Variants in BCAR3 observed in about 807,000 individuals in gnomAD.
BCAR3 encodes breast cancer anti-estrogen resistance protein 3.
BCAR3 carries 37 observed loss-of-function variants against 80.1 expected under a neutral mutation model. That is an observed-to-expected ratio of 0.46 (90% CI 0.36 to 0.61). The LOEUF is 0.61. Among genes scored for constraint, BCAR3 ranks in the 20% least tolerant of loss-of-function variants. BCAR3 has a pLI of 0.00. For synonymous variants in BCAR3, 389 were observed against 418.9 expected (o/e 0.93, Z 0.87); for missense variants, 978 against 1,068.2 (o/e 0.92, Z 1.18).
At chr1:93,681,906 G>T (rs1050427215), upstream of BCAR3, 1 of 152,384 alleles carries the variant, frequency 6.6e-6, no homozygotes, top group Non-Finnish European at 1.5e-5. Context: ...CCGGCGAGCC[G>T]ATTCGCGCTG....
intron 8 of BCAR3, among the ~76,000 whole-genome samples, 190 bp downstream of exon 8, chr1:93,575,824 T>C (rs1276033478): frequency 1.3e-5 from 2 of 152,222 alleles, no homozygotes; most frequent in Non-Finnish European, 2.9e-5. Context: ...TGAGTTGTGC[T>C]GTCTTTGTGT....
At chr1:93,755,945 T>C (rs911636097) in intron 2 of BCAR3, among the ~76,000 whole-genome samples, 14 of 151,942 alleles carry the variant, frequency 9.2e-5, no homozygotes, top group Non-Finnish European at 1.8e-4. Flanking sequence ...CCAAACAGAG[T>C]GGAAATTCCC....
intron 2 of BCAR3, among the ~76,000 whole-genome samples, chr1:93,794,285 A>G (rs1653202698): frequency 1.8e-5 from 1 of 56,964 alleles, no homozygotes; most frequent in Admixed American, 2.1e-4. Flanking sequence ...AATGTGTGGG[A>G]GTTTAAGTCT....
intron 2 of BCAR3, among the ~76,000 whole-genome samples, chr1:93,733,306 C>CT (rs915215951): frequency 1.3e-5 from 2 of 152,192 alleles, no homozygotes; most frequent in Admixed American, 6.5e-5. Flanking sequence ...GATGCCCCGG[C>CT]TTACTTAGTA....
chr1:93,600,437 T>C (rs1301255980), intron 3 of BCAR3, among the ~76,000 whole-genome samples: 4 of 152,198 alleles, frequency 2.6e-5, no homozygotes, highest in African/African-American at 9.6e-5. Flanking sequence ...GCAAGGGTCC[T>C]GCCATTATGA....
intron 2 of BCAR3, among the ~76,000 whole-genome samples, chr1:93,656,775 T>C (rs1198135284): frequency 2.6e-5 from 4 of 152,124 alleles, no homozygotes; most frequent in Admixed American, 6.5e-5. Flanking sequence ...AGCTAATTTT[T>C]TAATCTTTTG....
At chr1:93,720,915 A>G (rs1398738667) in intron 2 of BCAR3, among the ~76,000 whole-genome samples, 1 of 150,488 alleles carries the variant, frequency 6.6e-6, no homozygotes. Context: ...CTGCCCTGCC[A>G]TTAGCAGGGC....
In BCAR3 at chr1:93,676,303, TAG is replaced by T. The variant is rs554763758; in HGVS notation, c.-11-1364_-11-1363del. Among the ~76,000 whole-genome samples, 571 of 152,166 alleles carry T rather than the reference TAG, an allele frequency of 3.8e-3. 2 individuals are homozygous for T. Among genetic ancestry groups the T allele is most frequent in the African/African-American group, 0.013 (544 of 41,500 alleles). ...AGAAGTGGAGCCGAGACAATGACAT[TAG>T]AGTGTGTAAAGAAAACGCATGTGTT... On this transcript the variant is annotated intron_variant, in intron 1 of 11. Coordinates refer to ENST00000260502, the MANE Select transcript of BCAR3 (RefSeq NM_003567.4).
chr1:93,710,353 T>TCTCCCTTTGC (rs1649977938), intron 2 of BCAR3, among the ~76,000 whole-genome samples: 1 of 152,008 alleles, frequency 6.6e-6, no homozygotes. Context: ...GGATGTTTGC[T>TCTCCCTTTGC]ACGTCTCCCT....
At chr1:93,587,039 T>G (rs893363057) in intron 5 of BCAR3, among the ~76,000 whole-genome samples, 1 of 152,146 alleles carries the variant, frequency 6.6e-6, no homozygotes, top group Admixed American at 6.5e-5. Flanking sequence ...CCTCCCAAAT[T>G]GTTGGGATTA....
intron 3 of BCAR3, among the ~76,000 whole-genome samples, chr1:93,609,114 C>T (rs1386976756): frequency 6.6e-6 from 1 of 152,146 alleles, no homozygotes; most frequent in East Asian, 1.9e-4. Flanking sequence ...TTCCAGGGGC[C>T]TGGCACTCTA....
chr1:93,669,728 A>G (rs1377546733), intron 2 of BCAR3, among the ~76,000 whole-genome samples: 1 of 152,258 alleles, frequency 6.6e-6, no homozygotes, highest in Admixed American at 6.5e-5. Flanking sequence ...TCTCAGCCCA[A>G]GGAAGATTCC....
At chr1:93,634,140 A>G (rs144739960) in intron 3 of BCAR3, among the ~76,000 whole-genome samples, 5 of 152,230 alleles carry the variant, frequency 3.3e-5, no homozygotes, top group African/African-American at 4.8e-5. Flanking sequence ...TTCTGTCACT[A>G]TAAGTTTTGC....
At chr1:93,845,485 T>TCATGTTGTCA (rs1374948396) in intron 2 of BCAR3, 1 of 65,554 alleles carries the variant, frequency 1.5e-5, no homozygotes, top group Non-Finnish European at 2.7e-5. Context: ...TATATATATA[T>TCATGTTGTCA]ATATATATAT....
At chr1:93,803,794 C>G (rs1653572795) in intron 2 of BCAR3, among the ~76,000 whole-genome samples, 1 of 152,112 alleles carries the variant, frequency 6.6e-6, no homozygotes, top group Non-Finnish European at 1.5e-5. Flanking sequence ...GAAGGCGTCC[C>G]CAGATGGGTA....
intron 1 of BCAR3, among the ~76,000 whole-genome samples, chr1:93,675,990 T>C (rs1411639734): frequency 7.0e-6 from 1 of 143,054 alleles, no homozygotes; most frequent in Non-Finnish European, 1.5e-5. Flanking sequence ...ATCTGTCTTA[T>C]ACTAGTCATG....
At chr1:93,674,280 G>C (rs1648357611) in intron 2 of BCAR3, among the ~76,000 whole-genome samples, 1 of 152,150 alleles carries the variant, frequency 6.6e-6, no homozygotes, top group Non-Finnish European at 1.5e-5. Flanking sequence ...AAAAACTTCG[G>C]AGTCTCACTC....
At chr1:93,781,473 G>A (rs894590602) in intron 2 of BCAR3, among the ~76,000 whole-genome samples, 4 of 152,154 alleles carry the variant, frequency 2.6e-5, no homozygotes, top group African/African-American at 9.7e-5. Flanking sequence ...TATTGATAAT[G>A]CCCATCATTT....
At chr1:93,729,523 T>A (rs1650709607) in intron 2 of BCAR3, among the ~76,000 whole-genome samples, 1 of 152,210 alleles carries the variant, frequency 6.6e-6, no homozygotes, top group South Asian at 2.1e-4. Flanking sequence ...AGATCTGACA[T>A]GCTGTGAGAG....
Sources: gnomAD v4.1 joint callset for allele counts (sites outside exome capture counted in the v4.1 genomes callset) on GRCh38, gnomAD v4.1.1 for gene constraint, MANE v1.5 for transcripts, NCBI Gene and HGNC (gene_info 2026-07-23, HGNC 2026-07-21) for gene names.